The following PTPRM variants were observed in gnomAD, a reference collection of about 807,000 sequenced individuals.
The protein encoded by PTPRM is receptor-type tyrosine-protein phosphatase mu.
A neutral mutation model predicts 186.7 loss-of-function variants in PTPRM; 47 were observed. The ratio of observed to expected loss-of-function variants is 0.25; its 90% CI spans 0.20 to 0.32. PTPRM has a LOEUF of 0.32. Ranked by LOEUF, PTPRM falls within the 10% of genes least tolerant of loss-of-function variation. The pLI is 1.00. For synonymous variants in PTPRM, 668 were observed against 674.9 expected (o/e 0.99, Z 0.16); for missense variants, 1,494 against 1,865.0 (o/e 0.80, Z 3.66).
intron 7 of PTPRM, among the ~76,000 whole-genome samples, chr18:7,966,503 G>C (rs546947237): frequency 1.3e-5 from 2 of 151,968 alleles, no homozygotes; most frequent in East Asian, 3.9e-4. Flanking sequence ...CAGCGTGAGC[G>C]ACGCAGAAGA....
chr18:7,822,086 G>A (rs184643116), intron 2 of PTPRM, among the ~76,000 whole-genome samples: 25 of 152,222 alleles, frequency 1.6e-4, no homozygotes, highest in Admixed American at 7.8e-4. Flanking sequence ...TCCTTCCTTC[G>A]TCAAATATTA....
chr18:8,384,455 C>T (rs1232637433), intron 29 of PTPRM, 106 bp from the exon 30 acceptor site: 11 of 1,303,730 alleles, frequency 8.4e-6, no homozygotes, highest in Middle Eastern at 2.6e-4. Context: ...AAGACCCTAT[C>T]TCTTAAAAAA....
chr18:7,658,681 G>A (rs10221419), intron 1 of PTPRM, among the ~76,000 whole-genome samples: 29,524 of 151,990 alleles, frequency 0.19, 4,103 homozygotes, highest in African/African-American at 0.39. Context: ...TAGGTCCTGG[G>A]TTTAATGTTT....
intron 22 of PTPRM, among the ~76,000 whole-genome samples, chr18:8,324,165 T>A (rs879261994): frequency 1.2e-4 from 18 of 152,218 alleles, no homozygotes; most frequent in Non-Finnish European, 2.2e-4. Context: ...ACAGATTGTT[T>A]ATAACTATGT....
intron 2 of PTPRM, among the ~76,000 whole-genome samples, chr18:7,778,882 A>G (rs1257221350): frequency 6.6e-6 from 1 of 152,224 alleles, no homozygotes; most frequent in Non-Finnish European, 1.5e-5. Flanking sequence ...GTTACATCCT[A>G]TCACTTTATA....
At chr18:7,984,269 C>T (rs770128519) in intron 7 of PTPRM, among the ~76,000 whole-genome samples, 10 of 151,914 alleles carry the variant, frequency 6.6e-5, no homozygotes, top group Non-Finnish European at 7.4e-5. Flanking sequence ...ACCTAATCCT[C>T]GTAATGATTG....
chr18:7,976,361 A>G (rs2054940151), intron 7 of PTPRM, among the ~76,000 whole-genome samples: 1 of 152,184 alleles, frequency 6.6e-6, no homozygotes. Context: ...ATTATTCTGT[A>G]TGATACTATA....
Position 8,380,412 on chromosome 18 carries a change from T to C in PTPRM, c.3903T>C (p.Asp1301=). ...GCACATCCGTAGTTATGCTAAATGA[T>C]GTGGATCCTGCCCAGGTGAGACCCG... ...YHCTSVVMLN[D]VDPAQLCPQY... is the part of the protein sequence containing the mutation. The change falls in exon 29 of 33, where the codon GAT becomes GAC. Residue 1301 remains aspartate, a synonymous_variant. Transcript: ENST00000580170. The C allele has an allele frequency of 1.2e-6, 2 of 1,614,192 alleles. No homozygotes were observed. Among genetic ancestry groups the C allele is most frequent in the Non-Finnish European group, 1.7e-6 (2 of 1,180,038 alleles).
At chr18:7,606,018 C>G (rs1300038292) in intron 1 of PTPRM, among the ~76,000 whole-genome samples, 1 of 152,130 alleles carries the variant, frequency 6.6e-6, no homozygotes, top group African/African-American at 2.4e-5. Context: ...GAGTCCCTCT[C>G]AAAGCAGCCA....
intron 23 of PTPRM, among the ~76,000 whole-genome samples, chr18:8,349,838 G>T (rs2095524921): frequency 6.6e-6 from 1 of 152,196 alleles, no homozygotes; most frequent in Non-Finnish European, 1.5e-5. Context: ...AGTGCAGCTT[G>T]GGAATTCACA....
chr18:8,358,836 A>T (rs2095579224), intron 23 of PTPRM, among the ~76,000 whole-genome samples: 1 of 152,192 alleles, frequency 6.6e-6, no homozygotes, highest in Non-Finnish European at 1.5e-5. Context: ...TTACAAAGGA[A>T]CATGTAAGCT....
At chr18:8,267,370 C>G (rs1330590388) in intron 19 of PTPRM, among the ~76,000 whole-genome samples, 9 of 151,382 alleles carry the variant, frequency 5.9e-5, no homozygotes, top group Admixed American at 5.9e-4. Flanking sequence ...GCTTTCCAGG[C>G]CCAATTTTGT....
chr18:7,963,597 C>T (rs946244119), intron 7 of PTPRM, among the ~76,000 whole-genome samples: 1 of 152,352 alleles, frequency 6.6e-6, no homozygotes, highest in East Asian at 1.9e-4. Flanking sequence ...TCTTGTGTAG[C>T]TTTGAATACA....
intron 31 of PTPRM, among the ~76,000 whole-genome samples, chr18:8,390,146 C>T (rs1405196287): frequency 6.6e-6 from 1 of 152,196 alleles, no homozygotes; most frequent in Non-Finnish European, 1.5e-5. Flanking sequence ...GCAGAAGAGA[C>T]AGTCCAGGGA....
chr18:7,581,716 T>C (rs2036850608), intron 1 of PTPRM, among the ~76,000 whole-genome samples: 1 of 150,690 alleles, frequency 6.6e-6, no homozygotes. Flanking sequence ...AGTGCAGTGG[T>C]ACGATTATAG....
intron 15 of PTPRM, among the ~76,000 whole-genome samples, chr18:8,247,419 G>T (rs2094487472): frequency 6.6e-6 from 1 of 152,212 alleles, no homozygotes; most frequent in African/African-American, 2.4e-5. Context: ...TGAGCAAGGA[G>T]AGGATTTAGC....
chr18:7,949,550 T>C (rs1162410503), intron 6 of PTPRM, among the ~76,000 whole-genome samples, 195 bp downstream of exon 6: 1 of 152,238 alleles, frequency 6.6e-6, no homozygotes, highest in Non-Finnish European at 1.5e-5. Context: ...ATGTGTTTTA[T>C]CTATGTTGAT....
chr18:7,819,918 A>C (rs369062312), intron 2 of PTPRM, among the ~76,000 whole-genome samples: 22 of 152,330 alleles, frequency 1.4e-4, no homozygotes, highest in African/African-American at 5.3e-4. Flanking sequence ...AGCGGGAAGC[A>C]GACCCCTCCA....
intron 7 of PTPRM, among the ~76,000 whole-genome samples, chr18:7,988,176 G>A (rs1413357169): frequency 6.6e-6 from 1 of 151,712 alleles, no homozygotes; most frequent in African/African-American, 2.4e-5. Context: ...CAGACCTAGG[G>A]GATCTGTTAT....
Sources: allele counts gnomAD v4.1 joint callset (sites outside exome capture counted in the v4.1 genomes callset), GRCh38; gene constraint gnomAD v4.1.1; transcripts MANE v1.5; gene names NCBI Gene and HGNC (gene_info 2026-07-23, HGNC 2026-07-21).